JMY: variants seen among roughly 807,000 people sequenced by gnomAD.
The protein encoded by JMY is junction mediating and regulatory protein, p53 cofactor, also known as junction-mediating and -regulatory protein.
Under a neutral mutation model 103.3 loss-of-function variants are expected in JMY, and 46 were observed. The ratio of observed to expected loss-of-function variants is 0.45; its 90% confidence interval spans 0.35 to 0.57. The LOEUF is 0.57. Among genes scored for constraint, JMY ranks in the 20% least tolerant of loss-of-function variants. The pLI is 0.00. For synonymous variants in JMY, 526 were observed against 489.3 expected (o/e 1.07, Z -0.99); for missense variants, 1,238 against 1,255.2 (o/e 0.99, Z 0.21).
chr5:79,276,386 C>G (rs971279853), intron 1 of JMY, among the ~76,000 whole-genome samples: 5 of 152,118 alleles, frequency 3.3e-5, no homozygotes, highest in African/African-American at 9.7e-5. Context: ...TCCCAAAGTG[C>G]TGGGAGTACA....
At chr5:79,272,652 G>C (rs1401409515) in intron 1 of JMY, among the ~76,000 whole-genome samples, 1 of 152,130 alleles carries the variant, frequency 6.6e-6, no homozygotes, top group Non-Finnish European at 1.5e-5. Flanking sequence ...CTCTTTTTAA[G>C]AGACAGGGCT....
chr5:79,240,588 C>A (rs973650326), intron 1 of JMY, among the ~76,000 whole-genome samples: 4 of 152,180 alleles, frequency 2.6e-5, no homozygotes, highest in African/African-American at 9.6e-5. Context: ...GGATTACAGG[C>A]GTGAACCACT....
At position 79,237,304 on chromosome 5, in the gene JMY, C is replaced by A. The variant is rs1386298986; in HGVS notation, c.654C>A (p.Thr218=). 13 of 1,564,196 alleles carry A rather than the reference C, an allele frequency of 8.3e-6. No individual in the cohort carries two copies. The highest frequency in any genetic ancestry group is 1.1e-5 in the Non-Finnish European group (13 of 1,154,836). ...ACGCGGAGCAGCCGCCGCCCGCCACCGAGCTGGAGTCTCCGGCCGAAGAGT... is the reference window on the plus strand; with the variant it reads ...ACGCGGAGCAGCCGCCGCCCGCCACAGAGCTGGAGTCTCCGGCCGAAGAGT... ...LSDAEQPPPA[T]ELESPAEECS... Residue 218 remains threonine, a synonymous_variant, in exon 1 of 11, where the codon ACC becomes ACA. Coordinates refer to ENST00000396137, the MANE Select transcript of JMY (RefSeq NM_152405.5).
At chr5:79,262,125 T>A (rs2607142) in intron 1 of JMY, among the ~76,000 whole-genome samples, 1 of 151,960 alleles carries the variant, frequency 6.6e-6, no homozygotes, top group African/African-American at 2.4e-5. Flanking sequence ...AAACCCTTTG[T>A]GGTTGTATTC....
intron 10 of JMY, among the ~76,000 whole-genome samples, chr5:79,316,898 TAAAAA>T (rs34558016): frequency 2.4e-5 from 2 of 83,620 alleles, no homozygotes; most frequent in African/African-American, 4.6e-5. Context: ...GACTCAGTCT[TAAAAA>T]AAAAAAAAAA....
chr5:79,279,834 G>T (rs79461665), intron 2 of JMY, among the ~76,000 whole-genome samples: 9,520 of 151,734 alleles, frequency 0.063, 578 homozygotes, highest in African/African-American at 0.15. Context: ...GAAATTCCTG[G>T]TTTTTTTTGT....
Position 79,314,797 on chromosome 5 carries a change from G to C in JMY, c.2605G>C (p.Val869Leu), listed in dbSNP as rs767567311. The change falls in exon 9 of 11, where the codon GTC becomes CTC. Residue 869 changes from valine (V) to leucine (L), a missense_variant. Physicochemically the swap from Val to Leu is conservative, Grantham distance 32. Coordinates refer to ENST00000396137, the MANE Select transcript of JMY (RefSeq NM_152405.5). Reference protein sequence around the residue: ...SAHLFDSSQLVSARKKLRKTA... With the variant: ...SAHLFDSSQLLSARKKLRKTA... ...ACACCTCTTTGACAGCAGCCAGCTG[G>C]TCAGTGCACGGAAGAAGCTCAGAAA... 6.2e-7 allele frequency: 1 copy of C among 1,610,582 alleles called. No individual in the cohort carries two copies. Among genetic ancestry groups the C allele is most frequent in the Non-Finnish European group, 8.5e-7 (1 of 1,178,372 alleles).
In JMY at chr5:79,255,609, G is replaced by A. The variant is rs572852304; in HGVS notation, c.1032+17927G>A. On this transcript the variant is annotated intron_variant, in intron 1 of 10. Coordinates refer to ENST00000396137, the MANE Select transcript of JMY (RefSeq NM_152405.5). ...GCTTTCCACATATTCTAAAGGACTTGGGTGTTGTGATGTAAGCTGTATCTG... is the reference window on the plus strand; with the variant it reads ...GCTTTCCACATATTCTAAAGGACTTAGGTGTTGTGATGTAAGCTGTATCTG... Among the ~76,000 whole-genome samples the A allele has an allele frequency of 4.6e-5, 7 of 152,252 alleles. No individual in the cohort carries two copies. In the South Asian group the frequency reaches 6.2e-4, roughly 14 times the overall value.
Position 79,236,577 on chromosome 5 carries a change from C to A in JMY, c.-74C>A, listed in dbSNP as rs1191187162. ...GCCCGGCGAGGGTGAGCGGGGGGCG[C>A]GGCGCAGCCAGCGGGGAGTCCTCGG... On this transcript the variant is annotated 5_prime_UTR_variant, in exon 1 of 11. Transcript: ENST00000396137. 3 of 1,196,432 alleles carry A rather than the reference C, an allele frequency of 2.5e-6. No individual in the cohort carries two copies. 74.1% of individuals were successfully genotyped at this position (1,196,432 alleles called of 1,614,324 possible).
At chr5:79,311,559 T>C (rs1747049440) in intron 7 of JMY, among the ~76,000 whole-genome samples, 2 of 152,158 alleles carry the variant, frequency 1.3e-5, no homozygotes, top group African/African-American at 4.8e-5. Flanking sequence ...GTATCTCTAA[T>C]TTTTTAAAAC....
chr5:79,237,357 A>T lies in JMY; in HGVS notation c.707A>T (p.Gln236Leu). The T allele has an allele frequency of 6.2e-7, 1 of 1,611,618 alleles. No homozygotes were observed. Among genetic ancestry groups the T allele is most frequent in the Non-Finnish European group, 8.5e-7 (1 of 1,179,288 alleles). ...ECSWAGLFSF[Q>L]DLRAVHQQLC... Reference sequence around the variant, plus strand: ...AGCTGGGCCGGACTGTTTTCTTTCCAGGACCTGCGCGCCGTGCACCAGCAG... The same window carrying T: ...AGCTGGGCCGGACTGTTTTCTTTCCTGGACCTGCGCGCCGTGCACCAGCAG... The change falls in exon 1 of 11, where the codon CAG (glutamine) becomes CTG (leucine). Residue 236 changes from glutamine (Q) to leucine (L), a missense_variant. Coordinates refer to ENST00000396137, the MANE Select transcript of JMY (RefSeq NM_152405.5).
intron 1 of JMY, among the ~76,000 whole-genome samples, chr5:79,266,150 A>C (rs185603480): frequency 3.9e-5 from 6 of 152,222 alleles, no homozygotes; most frequent in Admixed American, 1.3e-4. Flanking sequence ...GTGTAGTCTT[A>C]TTTGCAAGGT....
At chr5:79,300,079 A>G in intron 4 of JMY, 74 bp from the exon 5 acceptor site, 1 of 1,239,450 alleles carries the variant, frequency 8.1e-7, no homozygotes, top group South Asian at 1.2e-5. Context: ...TCTGATTAGT[A>G]TTAATTTTTA....
intron 1 of JMY, among the ~76,000 whole-genome samples, chr5:79,265,780 C>CTTTTTT (rs34354467): frequency 1.7e-5 from 2 of 116,196 alleles, no homozygotes; most frequent in African/African-American, 3.2e-5. Context: ...TGTGATGATT[C>CTTTTTT]TTTTTTTTTT....
chr5:79,313,967 TC>T (rs1747127909), intron 8 of JMY, among the ~76,000 whole-genome samples: 1 of 152,278 alleles, frequency 6.6e-6, no homozygotes, highest in Non-Finnish European at 1.5e-5. Flanking sequence ...CAAGCAATTC[TC>T]CTGCCTCAGC....
chr5:79,240,940 G>A (rs1449078681), intron 1 of JMY, among the ~76,000 whole-genome samples: 3 of 152,172 alleles, frequency 2.0e-5, no homozygotes, highest in African/African-American at 4.8e-5. Context: ...TTCAAGCTAG[G>A]TTTATCTGAT....
rs759951937 is a variant in JMY at position 79,300,203 on chromosome 5, A to G, written c.1578A>G (p.Leu526=). The change falls in exon 5 of 11, where the codon TTA becomes TTG. Residue 526 remains leucine, a synonymous_variant. Coordinates refer to ENST00000396137, the MANE Select transcript of JMY (RefSeq NM_152405.5). The stretch of plus-strand genomic sequence containing the variant: ...AAGCGATAGCACGATTGGATCAGTT[A>G]GAAGCTGATTATTATGATCTGCAAC... ...GTEAIARLDQ[L]EADYYDLQLQ... 7 of 1,612,304 alleles carry G rather than the reference A, an allele frequency of 4.3e-6. No individual in the cohort carries two copies. The highest frequency in any genetic ancestry group is 5.9e-6 in the Non-Finnish European group (7 of 1,178,928).
chr5:79,290,166 C>T lies in JMY; in HGVS notation c.1252C>T (p.Leu418=). ...TCTGGGACCTCGAAGAATTGAGAGT[C>T]TACAAAAAGAAGATGCTGATTGGCA... ...DYLGPRRIES[L]QKEDADWQRK... is the part of the protein sequence containing the mutation. The change falls in exon 3 of 11, where the codon CTA becomes TTA. Residue 418 remains leucine (L), a synonymous_variant. Transcript: ENST00000396137. 1 of 1,596,006 alleles carries T rather than the reference C, an allele frequency of 6.3e-7. No homozygotes were observed. Among genetic ancestry groups the T allele is most frequent in the South Asian group, 1.1e-5 (1 of 87,798 alleles).
intron 2 of JMY, among the ~76,000 whole-genome samples, chr5:79,285,676 T>C (rs1263565472): frequency 6.6e-6 from 1 of 152,154 alleles, no homozygotes; most frequent in Non-Finnish European, 1.5e-5. Context: ...CTAATCATGT[T>C]GTTAGATCAT....
Sources: gnomAD v4.1 joint callset for allele counts (sites outside exome capture counted in the v4.1 genomes callset) on GRCh38, gnomAD v4.1.1 for gene constraint, MANE v1.5 for transcripts, NCBI Gene and HGNC (gene_info 2026-07-23, HGNC 2026-07-21) for gene names.